SAXO1: variants seen among roughly 807,000 people sequenced by gnomAD.
SAXO1 encodes the protein stabilizer of axonemal microtubules 1.
In SAXO1, 21 loss-of-function variants were observed where a neutral mutation model predicts 17.5. That is an observed-to-expected ratio of 1.20 (90% CI 0.85 to 1.72). The LOEUF is 1.72. Among genes scored for constraint, SAXO1 ranks in the 40% most tolerant of loss-of-function variants. The pLI is 0.00. For synonymous variants in SAXO1, 274 were observed against 216.5 expected (o/e 1.27, Z -2.33); for missense variants, 843 against 596.0 (o/e 1.41, Z -4.32).
intron 2 of SAXO1, among the ~76,000 whole-genome samples, chr9:18,948,100 GTGTGCAGACACTGGGC>G (rs940921999): frequency 1.9e-4 from 29 of 152,260 alleles, no homozygotes; most frequent in South Asian, 1.2e-3. Flanking sequence ...AGACACAAGG[GTGTGCAGACACTGGGC>G]TGTGCAGACA....
At chr9:18,986,078 G>C (rs182153498) in intron 1 of SAXO1, among the ~76,000 whole-genome samples, 6 of 152,240 alleles carry the variant, frequency 3.9e-5, no homozygotes, top group African/African-American at 1.4e-4. Flanking sequence ...TCTTAGCAGA[G>C]ATCCTTAACT....
intron 1 of SAXO1, among the ~76,000 whole-genome samples, chr9:19,014,604 T>C (rs547516099): frequency 1.1e-4 from 17 of 151,998 alleles, no homozygotes; most frequent in African/African-American, 3.9e-4. Context: ...TAGAACCAAG[T>C]AGCTCAAAGA....
At chr9:19,022,386 G>A (rs895221968) in intron 1 of SAXO1, among the ~76,000 whole-genome samples, 7 of 152,186 alleles carry the variant, frequency 4.6e-5, no homozygotes, top group Non-Finnish European at 8.8e-5. Context: ...CCACCAGAAG[G>A]AACCAATTCC....
intron 1 of SAXO1, among the ~76,000 whole-genome samples, chr9:19,028,903 C>T (rs1588560909): frequency 1.3e-5 from 2 of 152,342 alleles, no homozygotes; most frequent in African/African-American, 4.8e-5. Context: ...GGACCCTAAA[C>T]TCTAATTGCT....
chr9:18,982,951 A>C (rs181205481), intron 1 of SAXO1, among the ~76,000 whole-genome samples: 145 of 152,308 alleles, frequency 9.5e-4, no homozygotes, highest in Admixed American at 8.6e-3. Context: ...GCTTAGTGTG[A>C]ACACTAAGGA....
chr9:18,967,348 C>G (rs925805061), intron 1 of SAXO1, among the ~76,000 whole-genome samples: 3 of 152,178 alleles, frequency 2.0e-5, no homozygotes, highest in African/African-American at 7.2e-5. Context: ...GCATCCACAG[C>G]CACCCCTTCC....
chr9:18,949,625 T>C (rs1291337437), intron 2 of SAXO1, among the ~76,000 whole-genome samples: 1 of 152,104 alleles, frequency 6.6e-6, no homozygotes, highest in African/African-American at 2.4e-5. Flanking sequence ...AGACTGGACT[T>C]CCCGTGGATC....
chr9:18,971,731 T>C (rs1007155181), intron 1 of SAXO1, among the ~76,000 whole-genome samples: 6 of 152,352 alleles, frequency 3.9e-5, no homozygotes, highest in East Asian at 3.9e-4. Context: ...ATTTCACTAA[T>C]GGTTTTTTTC....
intron 1 of SAXO1, chr9:19,028,009 G>A: frequency 1.2e-6 from 2 of 1,605,210 alleles, no homozygotes; most frequent in South Asian, 1.1e-5. Flanking sequence ...GTGCAAGGCT[G>A]TGTCTGTGGA....
chr9:18,995,300 C>G (rs1833957782), intron 1 of SAXO1, among the ~76,000 whole-genome samples: 1 of 152,182 alleles, frequency 6.6e-6, no homozygotes, highest in Admixed American at 6.5e-5. Context: ...CTCTCTCAGG[C>G]TGAAGCTGGC....
At chr9:18,986,146 A>G (rs1023048026) in intron 1 of SAXO1, among the ~76,000 whole-genome samples, 10 of 152,276 alleles carry the variant, frequency 6.6e-5, no homozygotes, top group African/African-American at 2.4e-4. Flanking sequence ...ATATGCAATC[A>G]TAACACAGAT....
At chr9:19,028,237 G>A (rs892431666) in intron 1 of SAXO1, 14 of 820,552 alleles carry the variant, frequency 1.7e-5, no homozygotes, top group South Asian at 3.5e-5. Context: ...TTAGCCGGCC[G>A]TAGTGGCGGG....
At position 19,032,951 on chromosome 9, in the gene SAXO1, A is replaced by G; in HGVS notation, c.-43T>C. ...CCTGACGTCCCCTCAGAGCATCGCC[A>G]GCTGCAGCCGACTCCTAGACCCCAA... On this transcript the variant is annotated 5_prime_UTR_variant, in exon 1 of 4. Transcript: ENST00000380534. The G allele has an allele frequency of 6.3e-7, 1 of 1,586,918 alleles. No individual in the cohort carries two copies.
chr9:18,996,408 T>G (rs567868226), intron 1 of SAXO1, among the ~76,000 whole-genome samples: 7 of 152,368 alleles, frequency 4.6e-5, no homozygotes, highest in African/African-American at 1.7e-4. Flanking sequence ...ACCTAGGCTA[T>G]ATGGTATAAC....
chr9:18,974,136 A>T (rs1019885119), intron 1 of SAXO1, among the ~76,000 whole-genome samples: 1 of 152,176 alleles, frequency 6.6e-6, no homozygotes, highest in Non-Finnish European at 1.5e-5. Context: ...CATCCAAAAT[A>T]GTTAAGAAGA....
At chr9:18,985,697 C>T (rs1464079312) in intron 1 of SAXO1, among the ~76,000 whole-genome samples, 3 of 152,196 alleles carry the variant, frequency 2.0e-5, no homozygotes, top group Non-Finnish European at 4.4e-5. Flanking sequence ...CACTCCGACT[C>T]CCCTGCCCTT....
chr9:18,975,939 A>C (rs1275809914), intron 1 of SAXO1, among the ~76,000 whole-genome samples: 1 of 152,210 alleles, frequency 6.6e-6, no homozygotes, highest in East Asian at 1.9e-4. Flanking sequence ...CGCAAACAGA[A>C]TTACAAAGTA....
At chr9:18,952,011 G>A (rs1208852894) in intron 1 of SAXO1, among the ~76,000 whole-genome samples, 1 of 152,222 alleles carries the variant, frequency 6.6e-6, no homozygotes, top group East Asian at 1.9e-4. Context: ...GTATTTAGCA[G>A]TTAAAATTTA....
At chr9:18,993,934 A>T (rs1162722091) in intron 1 of SAXO1, among the ~76,000 whole-genome samples, 1 of 152,176 alleles carries the variant, frequency 6.6e-6, no homozygotes, top group Non-Finnish European at 1.5e-5. Flanking sequence ...GTAGCACATA[A>T]CTCAGGTACC....
Sources: allele counts gnomAD v4.1 joint callset (sites outside exome capture counted in the v4.1 genomes callset), GRCh38; gene constraint gnomAD v4.1.1; transcripts MANE v1.5; gene names NCBI Gene and HGNC (gene_info 2026-07-23, HGNC 2026-07-21).